The following PROSER1 variants were observed in gnomAD, a reference collection of about 807,000 sequenced individuals.
PROSER1 encodes the protein proline and serine-rich protein 1.
In PROSER1, 36 loss-of-function variants were observed where a neutral mutation model predicts 71.8. The ratio of observed to expected loss-of-function variants is 0.50; its 90% CI spans 0.38 to 0.66. The LOEUF (loss-of-function observed/expected upper bound fraction) is 0.66. Among genes scored for constraint, PROSER1 ranks in the 30% least tolerant of loss-of-function variants. The pLI, the probability that PROSER1 is intolerant of heterozygous loss-of-function variation, is 0.00. For missense variants in PROSER1, 1,107 were observed against 1,135.0 expected (o/e 0.98, Z 0.35); for synonymous variants, 490 against 452.4 (o/e 1.08, Z -1.06).
At position 39,029,273 on chromosome 13, in the gene PROSER1, A is replaced by G; in HGVS notation, c.275+8T>C. ...AAAAAAAAAAAAAAAAAAAAAAGAAATACTTACGAGGCTAACAGTTCAAGA... is the reference window on the plus strand; with the variant it reads ...AAAAAAAAAAAAAAAAAAAAAAGAAGTACTTACGAGGCTAACAGTTCAAGA... On this transcript the variant is annotated splice_region_variant and intron_variant, in intron 4 of 12. Coordinates refer to ENST00000352251, the MANE Select transcript of PROSER1 (RefSeq NM_025138.5). The G allele has an allele frequency of 7.1e-7, 1 of 1,418,364 alleles. No homozygotes were observed. The highest frequency in any genetic ancestry group is 9.5e-7 in the Non-Finnish European group (1 of 1,051,864). The allele number at this position is 1,418,364 out of a possible 1,614,324, so 87.9% of individuals were successfully genotyped here. A position where few individuals can be genotyped will look rare whatever the true frequency, so the allele number is the denominator to read the frequency against.
chr13:39,017,002 A>G (rs1870038206), intron 10 of PROSER1, among the ~76,000 whole-genome samples: 1 of 152,256 alleles, frequency 6.6e-6, no homozygotes, highest in South Asian at 2.1e-4. Flanking sequence ...ATCTGGAGGC[A>G]CTATGTAGGA....
chr13:39,011,503 G>C lies in PROSER1; in HGVS notation c.2713-16C>G, dbSNP rs371349597. Reference sequence around the variant, plus strand: ...CTGAATGGACCTGATGGAAAGAAGAGCGTGTGGTTTAGCAGAGTGCCAAGT... The same window carrying C: ...CTGAATGGACCTGATGGAAAGAAGACCGTGTGGTTTAGCAGAGTGCCAAGT... On this transcript the variant is annotated splice_polypyrimidine_tract_variant and intron_variant, in intron 12 of 12. Coordinates refer to ENST00000352251, the MANE Select transcript of PROSER1 (RefSeq NM_025138.5). The C allele has an allele frequency of 2.5e-6, 4 of 1,612,982 alleles. No individual in the cohort carries two copies. Among genetic ancestry groups the C allele is most frequent in the Admixed American group, 1.7e-5 (1 of 60,000 alleles).
At chr13:39,032,610 T>C (rs1421690875) in intron 2 of PROSER1, among the ~76,000 whole-genome samples, 3 of 152,168 alleles carry the variant, frequency 2.0e-5, no homozygotes, top group Non-Finnish European at 4.4e-5. Flanking sequence ...GAGATATATA[T>C]ATATAGCAAA....
In PROSER1 at chr13:39,011,442, C is replaced by T. The variant is rs1248941053; in HGVS notation, c.2758G>A (p.Gly920Arg). 3.7e-6 allele frequency: 6 copies of T among 1,613,884 alleles called. No individual in the cohort carries two copies. The African/African-American group carries it at 8.0e-5, about 22-fold the overall frequency. Reference sequence around the variant, plus strand: ...GGCGCTGAAGGATAACTAGGAAACCCATCAGGCTGAGCTGGATAGCTTTCC... The same window carrying T: ...GGCGCTGAAGGATAACTAGGAAACCTATCAGGCTGAGCTGGATAGCTTTCC... ...ALESYPAQPD[G>R]FPSYPSAPGT... Residue 920 changes from glycine (G) to arginine (R), a missense_variant, in exon 13 of 13, where the codon GGG becomes AGG. Gly to Arg is a moderately radical substitution (Grantham distance 125). Transcript: ENST00000352251.
At chr13:39,017,795 T>C in intron 9 of PROSER1, 1 of 363,982 alleles carries the variant, frequency 2.7e-6, no homozygotes, top group Non-Finnish European at 4.9e-6. Context: ...TTTTATCCCC[T>C]AGCATCTCTA....
chr13:39,011,963 A>T, intron 12 of PROSER1, 120 bp downstream of exon 12: 1 of 1,061,906 alleles, frequency 9.4e-7, no homozygotes, highest in Non-Finnish European at 1.4e-6. Context: ...ATCTCTATGC[A>T]TTCTGCTAAG....
Position 39,014,075 on chromosome 13 carries a change from T to G in PROSER1, c.1177A>C (p.Ser393Arg), listed in dbSNP as rs561187261. The change falls in exon 11 of 13, where the codon AGT (serine) becomes CGT (arginine). Residue 393 changes from serine (S) to arginine (R), a missense_variant. Coordinates refer to ENST00000352251, the MANE Select transcript of PROSER1 (RefSeq NM_025138.5). ...GCAGAAGTAGAAGCAAATGCTTCACTGGAACCAAGAGTGGACCGTGGTGTA... is the reference window on the plus strand; with the variant it reads ...GCAGAAGTAGAAGCAAATGCTTCACGGGAACCAAGAGTGGACCGTGGTGTA... ...GPTPRSTLGS[S>R]EAFASTSAPF... 6.2e-7 allele frequency: 1 copy of G among 1,614,172 alleles called. No individual in the cohort carries two copies. The highest frequency in any genetic ancestry group is 8.5e-7 in the Non-Finnish European group (1 of 1,180,024).
intron 5 of PROSER1, 25 bp from the exon 6 acceptor site, chr13:39,026,412 T>C (rs1419922557): frequency 1.3e-6 from 2 of 1,493,912 alleles, no homozygotes; most frequent in Non-Finnish European, 1.8e-6. Flanking sequence ...AGAAGAGGGG[T>C]AGGAAAAAAA....
chr13:39,012,417 A>G, intron 11 of PROSER1, 184 bp from the exon 12 acceptor site: 1 of 688,364 alleles, frequency 1.5e-6, no homozygotes, highest in South Asian at 2.0e-5. Context: ...TGTGAAGTAT[A>G]TTATTCGAAA....
rs950234108 is a variant in PROSER1 at position 39,011,589 on chromosome 13, A to C, written c.2713-102T>G. Reference sequence around the variant, plus strand: ...ACAGAGATATTCAGAATAGGAAAGAAAGACAAGACAAAACTCTGAGGCACA... The same window carrying C: ...ACAGAGATATTCAGAATAGGAAAGACAGACAAGACAAAACTCTGAGGCACA... On this transcript the variant is annotated intron_variant, in intron 12 of 12. Transcript: ENST00000352251. The C allele has an allele frequency of 5.8e-6, 7 of 1,202,256 alleles. No individual in the cohort carries two copies. The East Asian group carries it at 7.6e-5, about 13-fold the overall frequency. 74.5% of individuals were successfully genotyped at this position (1,202,256 alleles called of 1,614,324 possible). A position where few individuals can be genotyped will look rare whatever the true frequency, so the allele number is the denominator to read the frequency against.
At chr13:39,022,840 A>C (rs933108860) in intron 8 of PROSER1, 19 of 455,616 alleles carry the variant, frequency 4.2e-5, no homozygotes, top group Admixed American at 4.1e-4. Flanking sequence ...AAATAATCTA[A>C]TTAATTTATC....
intron 4 of PROSER1, chr13:39,029,047 C>T (rs1441777705): frequency 6.4e-6 from 2 of 311,240 alleles, no homozygotes; most frequent in Non-Finnish European, 1.2e-5. Context: ...AAGCAAATAA[C>T]TGAAATACAA....
At chr13:39,018,612 AAAAGTT>A (rs1870132052) in intron 9 of PROSER1, among the ~76,000 whole-genome samples, 2 of 152,122 alleles carry the variant, frequency 1.3e-5, no homozygotes, top group African/African-American at 4.8e-5. Flanking sequence ...TAAAATGACT[AAAAGTT>A]AAACTATGGT....
At chr13:39,037,159 T>A in intron 1 of PROSER1, 39 bp downstream of exon 1, 1 of 1,434,678 alleles carries the variant, frequency 7.0e-7, no homozygotes, top group Non-Finnish European at 9.8e-7. Context: ...AACACGAGAA[T>A]TCATCTCATA....
rs765510624 is a variant in PROSER1, at chr13:39,011,403, A to C, written c.2797T>G (p.Ser933Ala). The stretch of plus-strand genomic sequence containing the variant: ...CTCTGGGACAGGCTTGGTTGCAAAG[A>C]AAATGGTGTTCCTGGCGCTGAAGGA... ...SYPSAPGTPFSLQPSLSQSGW... is the reference protein window; with the variant it reads ...SYPSAPGTPFALQPSLSQSGW... The change falls in exon 13 of 13, where the codon TCT becomes GCT. Residue 933 changes from serine to alanine, a missense_variant. By Grantham distance (99) the Ser-to-Ala change is moderately conservative. Transcript: ENST00000352251. The C allele has an allele frequency of 2.5e-6, 4 of 1,614,058 alleles. No homozygotes were observed. The African/African-American group carries it at 4.0e-5, about 16-fold the overall frequency.
rs1017869941 is a variant in PROSER1, at chr13:39,010,210, A to G, written c.*1155T>C. 24 of 152,774 alleles carry G rather than the reference A, an allele frequency of 1.6e-4. No individual in the cohort carries two copies. The highest frequency in any genetic ancestry group is 5.5e-4 in the African/African-American group (23 of 41,578). 9.5% of individuals were successfully genotyped at this position (152,774 alleles called of 1,614,324 possible). A position where few individuals can be genotyped will look rare whatever the true frequency, so the allele number is the denominator to read the frequency against. On this transcript the variant is annotated 3_prime_UTR_variant, in exon 13 of 13. Transcript: ENST00000352251. ...AAAAACTAACCATACAGGTTTATTA[A>G]TATACTTAAAAAGTTTGTTCCCTAT...
In PROSER1 at chr13:39,034,142, A is replaced by G; in HGVS notation, c.100T>C (p.Ser34Pro). 2 of 1,580,828 alleles carry G rather than the reference A, an allele frequency of 1.3e-6. No homozygotes were observed. Among genetic ancestry groups the G allele is most frequent in the Non-Finnish European group, 1.7e-6 (2 of 1,167,384 alleles). ...KAIEYVHGYF[S>P]SEQVVDLLRY... ...ATAATGAGGAATACCTGTTCACTAG[A>G]AAAGTATCCATGCACATATTCAATT... The change falls in exon 2 of 13, where the codon TCT becomes CCT. Residue 34 changes from serine to proline, a missense_variant. Ser to Pro is a moderately conservative substitution (Grantham distance 74). Transcript: ENST00000352251.
intron 6 of PROSER1, among the ~76,000 whole-genome samples, chr13:39,025,440 A>C (rs1258836088): frequency 6.6e-6 from 1 of 152,148 alleles, no homozygotes; most frequent in Non-Finnish European, 1.5e-5. Context: ...CACATGGGAC[A>C]TTGCAGAAAG....
In PROSER1 at chr13:39,010,136, T is replaced by C. The variant is rs1869571839; in HGVS notation, c.*1229A>G. The C allele has an allele frequency of 6.6e-6, 1 of 151,630 alleles. No individual in the cohort carries two copies. The highest frequency in any genetic ancestry group is 6.6e-5 in the Admixed American group (1 of 15,208). The allele number at this position is 151,630 out of a possible 1,614,324, so 9.4% of individuals were successfully genotyped here. A position where few individuals can be genotyped will look rare whatever the true frequency, so the allele number is the denominator to read the frequency against. ...TTAGAAAGCCTATCCAAGCACTTAG[T>C]AAAACACAGAATATTTGTCATATCC... On this transcript the variant is annotated 3_prime_UTR_variant, in exon 13 of 13. Transcript: ENST00000352251.
Sources: allele counts gnomAD v4.1 joint callset (sites outside exome capture counted in the v4.1 genomes callset), GRCh38; gene constraint gnomAD v4.1.1; transcripts MANE v1.5; gene names NCBI Gene and HGNC (gene_info 2026-07-23, HGNC 2026-07-21).